Variants in COL24A1 observed in about 807,000 individuals in gnomAD.
COL24A1 encodes the protein collagen type XXIV alpha 1 chain.
A neutral mutation model predicts 253.9 loss-of-function variants in COL24A1; 224 were observed. The ratio of observed to expected loss-of-function variants is 0.88; its 90% confidence interval spans 0.79 to 0.99. The LOEUF (loss-of-function observed/expected upper bound fraction) is 0.99, where lower values mean the gene tolerates loss of function less well. Among genes scored for constraint, COL24A1 ranks in the 50% least tolerant of loss-of-function variants. The probability of loss-of-function intolerance (pLI) is 0.00; values close to 1 mark genes in which losing one functional copy is unlikely to be tolerated. For synonymous variants in COL24A1, 685 were observed against 673.7 expected (o/e 1.02, Z -0.26); for missense variants, 2,131 against 2,068.5 (o/e 1.03, Z -0.59).
At chr1:85,791,527 T>A (rs1218134222) in intron 47 of COL24A1, among the ~76,000 whole-genome samples, 1 of 152,124 alleles carries the variant, frequency 6.6e-6, no homozygotes, top group Non-Finnish European at 1.5e-5. Flanking sequence ...AATTTCCATA[T>A]TTCAAAATCG....
intron 47 of COL24A1, among the ~76,000 whole-genome samples, chr1:85,807,610 T>C (rs1672115152): frequency 6.6e-6 from 1 of 152,320 alleles, no homozygotes; most frequent in African/African-American, 2.4e-5. Flanking sequence ...GTAGGTCTTA[T>C]AGATATAAAT....
chr1:85,874,956 C>T (rs141228490), intron 34 of COL24A1, among the ~76,000 whole-genome samples: 74 of 152,298 alleles, frequency 4.9e-4, no homozygotes, highest in African/African-American at 1.7e-3. Flanking sequence ...GTCAACTGTG[C>T]ATTCGAGGGA....
At chr1:86,141,730 T>G (rs1289329984) in intron 2 of COL24A1, among the ~76,000 whole-genome samples, 2 of 151,140 alleles carry the variant, frequency 1.3e-5, no homozygotes, top group Non-Finnish European at 3.0e-5. Context: ...AGACAGAGTC[T>G]CACTCTGTCA....
At chr1:85,865,009 T>G (rs1679621380) in intron 37 of COL24A1, among the ~76,000 whole-genome samples, 1 of 152,118 alleles carries the variant, frequency 6.6e-6, no homozygotes, top group Non-Finnish European at 1.5e-5. Flanking sequence ...AGCACAAGAT[T>G]CAAGCATAAA....
intron 35 of COL24A1, among the ~76,000 whole-genome samples, chr1:85,873,292 G>T (rs2102575025): frequency 6.6e-6 from 1 of 152,022 alleles, no homozygotes; most frequent in South Asian, 2.1e-4. Context: ...ATTCCTCAAG[G>T]ATCTAGAATT....
chr1:86,105,336 T>A (rs1252498685), intron 5 of COL24A1, among the ~76,000 whole-genome samples: 1 of 152,140 alleles, frequency 6.6e-6, no homozygotes, highest in Non-Finnish European at 1.5e-5. Context: ...GGAGTGGCCA[T>A]GGAACCTGGG....
chr1:86,147,128 C>T (rs775122041), intron 1 of COL24A1, among the ~76,000 whole-genome samples: 1 of 152,054 alleles, frequency 6.6e-6, no homozygotes, highest in Admixed American at 6.5e-5. Flanking sequence ...TGTCTATAAA[C>T]CATTAATTCC....
intron 47 of COL24A1, among the ~76,000 whole-genome samples, chr1:85,807,748 T>C (rs1292459885): frequency 6.6e-6 from 1 of 152,192 alleles, no homozygotes; most frequent in Non-Finnish European, 1.5e-5. Flanking sequence ...CACTGCAATG[T>C]GGTCAGAGAT....
intron 24 of COL24A1, among the ~76,000 whole-genome samples, chr1:85,914,627 G>A (rs1571200075): frequency 6.6e-6 from 1 of 152,110 alleles, no homozygotes; most frequent in African/African-American, 2.4e-5. Flanking sequence ...TTGACCTCAA[G>A]TGATCTGCCC....
At chr1:85,993,705 G>A (rs1694513276) in intron 19 of COL24A1, among the ~76,000 whole-genome samples, 1 of 151,920 alleles carries the variant, frequency 6.6e-6, no homozygotes, top group Admixed American at 6.6e-5. Flanking sequence ...AATATAGGCA[G>A]CTTATTATAT....
rs535756892 is a variant in COL24A1 at position 85,935,528 on chromosome 1, A to G, written c.2563-24095T>C. ...AATCTGTAAGCTAAGTATTTATTTG[A>G]CAGCATGACTTGTAGCAAGTTACTT... is the stretch of plus-strand genomic sequence containing the variant. On this transcript the variant is annotated intron_variant, in intron 24 of 59. Transcript: ENST00000370571. 7.4e-5 allele frequency among the ~76,000 whole-genome samples: 11 copies of G among 147,788 alleles called. 3 individuals carry two copies. In the South Asian group the frequency reaches 2.7e-3, roughly 36 times the overall value.
At chr1:86,113,135 C>G (rs1327480927) in intron 4 of COL24A1, among the ~76,000 whole-genome samples, 2 of 152,196 alleles carry the variant, frequency 1.3e-5, no homozygotes, top group African/African-American at 4.8e-5. Context: ...ATTATATAAT[C>G]TGAATTCAAA....
intron 10 of COL24A1, among the ~76,000 whole-genome samples, chr1:86,055,991 G>A (rs796718443): frequency 4.0e-4 from 61 of 151,892 alleles, no homozygotes; most frequent in African/African-American, 1.3e-3. Context: ...GGTGGCAGGC[G>A]CCTGTAGTCC....
At chr1:85,883,148 C>A in intron 32 of COL24A1, among the ~76,000 whole-genome samples, 1 of 151,944 alleles carries the variant, frequency 6.6e-6, no homozygotes, top group East Asian at 1.9e-4. Flanking sequence ...TTCTTTATTG[C>A]TTCTTCTTCT....
At chr1:86,130,184 C>A (rs1331525147) in intron 2 of COL24A1, among the ~76,000 whole-genome samples, 2 of 151,868 alleles carry the variant, frequency 1.3e-5, no homozygotes, top group Admixed American at 6.6e-5. Context: ...CTTCCCTCAT[C>A]TGACTTTCTT....
At chr1:85,895,791 G>C in intron 31 of COL24A1, 67 bp downstream of exon 31, 1 of 1,276,128 alleles carries the variant, frequency 7.8e-7, no homozygotes, top group Non-Finnish European at 1.1e-6. Flanking sequence ...AACATTGTTT[G>C]AGCAGCCCCT....
intron 12 of COL24A1, among the ~76,000 whole-genome samples, chr1:86,034,677 T>C (rs1698860265): frequency 6.6e-6 from 1 of 152,120 alleles, no homozygotes. Context: ...GAGGTGAAAA[T>C]TAAAAGCTTC....
At chr1:85,836,047 G>A (rs1301577215) in intron 43 of COL24A1, among the ~76,000 whole-genome samples, 1 of 152,146 alleles carries the variant, frequency 6.6e-6, no homozygotes, top group East Asian at 1.9e-4. Context: ...TAATCTGAAT[G>A]AACAGTCCTT....
intron 32 of COL24A1, among the ~76,000 whole-genome samples, chr1:85,888,094 T>G (rs1244389988): frequency 1.3e-5 from 2 of 152,100 alleles, no homozygotes; most frequent in African/African-American, 2.4e-5. Context: ...AGCCAGAAAT[T>G]TAAGAATTAT....
Sources: gnomAD v4.1 joint callset for allele counts (sites outside exome capture counted in the v4.1 genomes callset) on GRCh38, gnomAD v4.1.1 for gene constraint, MANE v1.5 for transcripts, NCBI Gene and HGNC (gene_info 2026-07-23, HGNC 2026-07-21) for gene names.